C17orf67: variants seen among roughly 807,000 people sequenced by gnomAD.
The protein encoded by C17orf67 is chromosome 17 open reading frame 67.
A neutral mutation model predicts 11.2 loss-of-function variants in C17orf67; 12 were observed. That is an observed-to-expected ratio of 1.07 (90% CI 0.68 to 1.73). The LOEUF (loss-of-function observed/expected upper bound fraction) is 1.73, where lower values mean the gene tolerates loss of function less well. Among genes scored for constraint, C17orf67 ranks in the 40% most tolerant of loss-of-function variants. The pLI, the probability that C17orf67 is intolerant of heterozygous loss-of-function variation, is 0.00. For missense variants in C17orf67, 115 were observed against 113.5 expected, an observed-to-expected ratio of 1.01 and a Z score of -0.06; for synonymous variants, 59 against 46.9, an observed-to-expected ratio of 1.26 and a Z score of -1.05.
At position 56,792,088 on chromosome 17, in the gene C17orf67, C is replaced by T. The variant is rs1905113871; in HGVS notation, c.*285G>A. 6.6e-6 allele frequency: 1 copy of T among 152,220 alleles called. No homozygotes were observed. The highest frequency in any genetic ancestry group is 2.4e-5 in the African/African-American group (1 of 41,436). 9.4% of individuals were successfully genotyped at this position (152,220 alleles called of 1,614,324 possible). On this transcript the variant is annotated 3_prime_UTR_variant, in exon 8 of 8. Coordinates refer to ENST00000397861, the MANE Select transcript of C17orf67 (RefSeq NM_001085430.4). Reference sequence around the variant, plus strand: ...CTGGGAGTTCCAGCTCCATCAACCCCAGGTAAGATTCTGGTTGTTCCCACT... The same window carrying T: ...CTGGGAGTTCCAGCTCCATCAACCCTAGGTAAGATTCTGGTTGTTCCCACT...
chr17:56,800,472 G>C (rs1262885978), intron 6 of C17orf67, among the ~76,000 whole-genome samples: 1 of 152,112 alleles, frequency 6.6e-6, no homozygotes, highest in Non-Finnish European at 1.5e-5. Flanking sequence ...ATATGGCTAA[G>C]GTCTTTCCAT....
chr17:56,811,250 T>C (rs1767867705), intron 6 of C17orf67, among the ~76,000 whole-genome samples: 1 of 152,174 alleles, frequency 6.6e-6, no homozygotes, highest in South Asian at 2.1e-4. Context: ...CTGCATTTTA[T>C]AGATGAAAAA....
At chr17:56,793,355 T>C (rs1308124961) in intron 7 of C17orf67, among the ~76,000 whole-genome samples, 1 of 152,086 alleles carries the variant, frequency 6.6e-6, no homozygotes, top group Non-Finnish European at 1.5e-5. Flanking sequence ...TTCCTTGTCT[T>C]TATGTAAGTG....
chr17:56,820,764 TCC>T (rs1181634502), intron 4 of C17orf67, among the ~76,000 whole-genome samples: 1 of 149,162 alleles, frequency 6.7e-6, no homozygotes, highest in Non-Finnish European at 1.5e-5. Context: ...TGGGTGAGTT[TCC>T]CTTTTTTTTT....
intron 2 of C17orf67, among the ~76,000 whole-genome samples, chr17:56,830,187 C>A (rs1005437303): frequency 4.7e-4 from 71 of 150,384 alleles, no homozygotes; most frequent in African/African-American, 1.7e-3. Flanking sequence ...ACTAAAAACA[C>A]AAAAAAAATT....
chr17:56,797,029 C>T (rs936958314), intron 6 of C17orf67, among the ~76,000 whole-genome samples: 5 of 152,078 alleles, frequency 3.3e-5, no homozygotes, highest in African/African-American at 7.2e-5. Flanking sequence ...GGTAGGATTC[C>T]CCTCCTTCCC....
intron 6 of C17orf67, among the ~76,000 whole-genome samples, chr17:56,813,067 G>A (rs2144132378): frequency 6.6e-6 from 1 of 152,302 alleles, no homozygotes; most frequent in South Asian, 2.1e-4. Context: ...CATTAGAGCT[G>A]CCTCTCGAGC....
At chr17:56,807,928 A>AATAC (rs943507423) in intron 6 of C17orf67, among the ~76,000 whole-genome samples, 2 of 150,772 alleles carry the variant, frequency 1.3e-5, no homozygotes, top group African/African-American at 4.9e-5. Flanking sequence ...TAAATAAATA[A>AATAC]ATAAATAAAT....
At chr17:56,830,516 A>G (rs1906170675) in intron 2 of C17orf67, among the ~76,000 whole-genome samples, 3 of 152,232 alleles carry the variant, frequency 2.0e-5, no homozygotes, top group South Asian at 4.1e-4. Context: ...TCACTACAAG[A>G]GTGATGTAGG....
rs78196999 is a variant in C17orf67 at position 56,827,705 on chromosome 17, G to A, written c.-556-2384C>T. 3.4e-3 allele frequency among the ~76,000 whole-genome samples: 522 copies of A among 152,312 alleles called. 3 individuals carry two copies. The highest frequency in any genetic ancestry group is 0.012 in the African/African-American group (500 of 41,576). On this transcript the variant is annotated intron_variant, in intron 2 of 7. Coordinates refer to ENST00000397861, the MANE Select transcript of C17orf67 (RefSeq NM_001085430.4). The stretch of plus-strand genomic sequence containing the variant: ...TGGATGAGGAGATGGTGGGGCTGCC[G>A]CCCCATGACCCAAGTCCTCAAGTCA...
At chr17:56,817,474 T>A (rs1218594922) in intron 4 of C17orf67, among the ~76,000 whole-genome samples, 1 of 151,962 alleles carries the variant, frequency 6.6e-6, no homozygotes, top group Non-Finnish European at 1.5e-5. Flanking sequence ...ATTTTTTTTT[T>A]GAGACAGGGT....
chr17:56,801,476 A>C (rs1905320138), intron 6 of C17orf67, among the ~76,000 whole-genome samples: 1 of 152,190 alleles, frequency 6.6e-6, no homozygotes, highest in Non-Finnish European at 1.5e-5. Flanking sequence ...TAAAAAGAAA[A>C]AGAATGTGCA....
chr17:56,804,208 A>C (rs1359148637), intron 6 of C17orf67: 1 of 152,204 alleles, frequency 6.6e-6, no homozygotes, highest in Non-Finnish European at 1.5e-5. Flanking sequence ...GTAGTCCTTT[A>C]TTATGGCTCT....
At chr17:56,823,582 T>C (rs1028607713) in intron 4 of C17orf67, among the ~76,000 whole-genome samples, 4 of 152,114 alleles carry the variant, frequency 2.6e-5, no homozygotes, top group East Asian at 3.9e-4. Context: ...AAAACCATAA[T>C]AGCAGAAATT....
chr17:56,802,081 A>T lies in C17orf67; in HGVS notation c.157-6901T>A, dbSNP rs540291709. Reference sequence around the variant, plus strand: ...ACTTGCTTCCTTGGGTTAGATACTAAATGAAATGGTGCAAATAAAGTTTTG... The same window carrying T: ...ACTTGCTTCCTTGGGTTAGATACTATATGAAATGGTGCAAATAAAGTTTTG... On this transcript the variant is annotated intron_variant, in intron 6 of 7. Coordinates refer to ENST00000397861, the MANE Select transcript of C17orf67 (RefSeq NM_001085430.4). Among the ~76,000 whole-genome samples, 11 of 152,288 alleles carry T rather than the reference A, an allele frequency of 7.2e-5. No homozygotes were observed. The South Asian group carries it at 2.3e-3, about 32-fold the overall frequency.
At chr17:56,828,586 C>T (rs982888849) in intron 2 of C17orf67, among the ~76,000 whole-genome samples, 1 of 152,120 alleles carries the variant, frequency 6.6e-6, no homozygotes, top group East Asian at 1.9e-4. Context: ...ACCATATATA[C>T]ATAGTTTCTA....
intron 4 of C17orf67, among the ~76,000 whole-genome samples, chr17:56,821,274 TTAAA>T (rs1241267253): frequency 1.3e-5 from 2 of 152,102 alleles, no homozygotes; most frequent in African/African-American, 4.8e-5. Context: ...CCAGGGTAAA[TTAAA>T]TAAATTCTAA....
intron 6 of C17orf67, among the ~76,000 whole-genome samples, chr17:56,813,564 C>CAA (rs112601927): frequency 3.9e-4 from 55 of 141,366 alleles, no homozygotes; most frequent in Non-Finnish European, 4.0e-4. Flanking sequence ...TCTTATTCTA[C>CAA]AAAAAAAAAA....
At chr17:56,810,917 T>G (rs1248143866) in intron 6 of C17orf67, among the ~76,000 whole-genome samples, 2 of 152,194 alleles carry the variant, frequency 1.3e-5, no homozygotes, top group Non-Finnish European at 2.9e-5. Flanking sequence ...TTGCTTTCAG[T>G]AAATCCATAA....
Sources: gnomAD v4.1 joint callset for allele counts (sites outside exome capture counted in the v4.1 genomes callset) on GRCh38, gnomAD v4.1.1 for gene constraint, MANE v1.5 for transcripts, NCBI Gene and HGNC (gene_info 2026-07-23, HGNC 2026-07-21) for gene names.